Variants in BAZ2B observed in about 807,000 individuals in gnomAD.
The protein encoded by BAZ2B is bromodomain adjacent to zinc finger domain 2B.
A neutral mutation model predicts 246.0 loss-of-function variants in BAZ2B; 91 were observed. The ratio of observed to expected loss-of-function variants is 0.37; its 90% CI spans 0.31 to 0.44. The LOEUF (loss-of-function observed/expected upper bound fraction) is 0.44, where lower values mean the gene tolerates loss of function less well. Ranked by LOEUF, BAZ2B falls within the 20% of genes least tolerant of loss-of-function variation. The pLI is 1.00. For synonymous variants in BAZ2B, 855 were observed against 860.0 expected (o/e 0.99, Z 0.10); for missense variants, 2,332 against 2,533.7 (o/e 0.92, Z 1.71).
At chr2:159,386,223 AGTTAACTTT>A in intron 22 of BAZ2B, 121 bp downstream of exon 22, 3 of 1,041,282 alleles carry the variant, frequency 2.9e-6, no homozygotes. Context: ...ACAAATCTAC[AGTTAACTTT>A]GTGAGACATT....
At chr2:159,512,124 CAT>C (rs1039126941) in intron 2 of BAZ2B, among the ~76,000 whole-genome samples, 5 of 152,040 alleles carry the variant, frequency 3.3e-5, no homozygotes, top group African/African-American at 1.2e-4. Context: ...CATTCAGACT[CAT>C]ATCCTATTTT....
chr2:159,523,088 G>A (rs909872192), intron 2 of BAZ2B, among the ~76,000 whole-genome samples: 5 of 152,026 alleles, frequency 3.3e-5, no homozygotes, highest in South Asian at 2.1e-4. Flanking sequence ...GCAACACAAC[G>A]AGACCCCATC....
chr2:159,402,219 G>A (rs531004250), intron 16 of BAZ2B, among the ~76,000 whole-genome samples: 15 of 152,072 alleles, frequency 9.9e-5, no homozygotes, highest in Admixed American at 3.3e-4. Flanking sequence ...AGGCCGAGGC[G>A]GGCAGATCAC....
intron 3 of BAZ2B, chr2:159,464,374 C>A (rs2076783124): frequency 1.3e-5 from 2 of 152,012 alleles, no homozygotes; most frequent in African/African-American, 4.8e-5. Flanking sequence ...TGTAAAATGT[C>A]CCTCTGGTTG....
intron 34 of BAZ2B, among the ~76,000 whole-genome samples, chr2:159,327,259 C>G (rs2063847756): frequency 6.6e-6 from 1 of 152,226 alleles, no homozygotes; most frequent in East Asian, 1.9e-4. Flanking sequence ...AAAAACAGTC[C>G]TTTGGAGTAT....
chr2:159,692,453 T>C, the BAZ2B span, among the ~76,000 whole-genome samples: 2 of 152,160 alleles, frequency 1.3e-5, no homozygotes, highest in African/African-American at 4.8e-5. Flanking sequence ...CCACCGTGCC[T>C]GGCTTCTTAA....
chr2:159,521,966 A>G (rs2084184293), intron 2 of BAZ2B, among the ~76,000 whole-genome samples: 2 of 152,082 alleles, frequency 1.3e-5, no homozygotes, highest in African/African-American at 2.4e-5. Flanking sequence ...TTGTAATAAT[A>G]TAATTTCCTC....
chr2:159,627,721 G>A, the BAZ2B span, among the ~76,000 whole-genome samples: 5 of 152,140 alleles, frequency 3.3e-5, no homozygotes, highest in South Asian at 2.1e-4. Context: ...CATACTAAAC[G>A]GGCAAAATTT....
chr2:159,341,732 A>G (rs2066768270), intron 31 of BAZ2B, among the ~76,000 whole-genome samples: 1 of 152,222 alleles, frequency 6.6e-6, no homozygotes, highest in Non-Finnish European at 1.5e-5. Context: ...AAACCATACA[A>G]ATACATGAAA....
chr2:159,672,545 A>G, the BAZ2B span, among the ~76,000 whole-genome samples: 1 of 152,226 alleles, frequency 6.6e-6, no homozygotes, highest in Non-Finnish European at 1.5e-5. Context: ...ATCCTCATGG[A>G]AATACAGTTG....
intron 2 of BAZ2B, among the ~76,000 whole-genome samples, chr2:159,522,059 T>TTAAAA (rs1448174671): frequency 4.5e-4 from 68 of 152,166 alleles, no homozygotes; most frequent in African/African-American, 1.6e-3. Context: ...TCTCAAGTTT[T>TTAAAA]TAAAATAATA....
At position 159,570,634 on chromosome 2, in the gene BAZ2B, G is replaced by T. The variant is rs1286362572; in HGVS notation, c.-45-14769C>A. Among the ~76,000 whole-genome samples, 4 of 137,360 alleles carry T rather than the reference G, an allele frequency of 2.9e-5. No individual in the cohort carries two copies. In the South Asian group the frequency reaches 9.8e-4, roughly 34 times the overall value. 90.1% of individuals were successfully genotyped at this position (137,360 alleles called of 152,430 possible). ...ACCCTTTCCTGTCATTTATATCCCA[G>T]CACATTTTTCACCCTTTCTCTGTCT... On this transcript the variant is annotated intron_variant, in intron 1 of 36. Coordinates refer to ENST00000392783, the MANE Select transcript of BAZ2B (RefSeq NM_013450.4).
intron 1 of BAZ2B, among the ~76,000 whole-genome samples, chr2:159,600,831 G>A (rs1184543772): frequency 6.6e-6 from 1 of 152,294 alleles, no homozygotes; most frequent in Non-Finnish European, 1.5e-5. Flanking sequence ...GAAAATAATC[G>A]AGCTACTTTT....
intron 13 of BAZ2B, among the ~76,000 whole-genome samples, chr2:159,414,576 G>T (rs1353316032): frequency 6.6e-6 from 1 of 152,106 alleles, no homozygotes; most frequent in African/African-American, 2.4e-5. Context: ...CAGCATGTTG[G>T]GAGGCTGAGG....
At chr2:159,384,015 C>T (rs2062320365) in intron 23 of BAZ2B, among the ~76,000 whole-genome samples, 1 of 151,800 alleles carries the variant, frequency 6.6e-6, no homozygotes, top group Non-Finnish European at 1.5e-5. Context: ...TGATAATTTC[C>T]AAAATCAAAG....
chr2:159,566,152 C>T (rs1030134725), intron 1 of BAZ2B, among the ~76,000 whole-genome samples: 4 of 152,148 alleles, frequency 2.6e-5, no homozygotes, highest in African/African-American at 9.7e-5. Flanking sequence ...GTTGAGATTA[C>T]AGGCATGCAC....
the BAZ2B span, among the ~76,000 whole-genome samples, chr2:159,691,828 G>A: frequency 6.6e-6 from 1 of 152,312 alleles, no homozygotes; most frequent in East Asian, 1.9e-4. Flanking sequence ...TGCTCATCTG[G>A]AGATGATAAG....
chr2:159,396,636 T>A (rs2149684921), intron 19 of BAZ2B: 1 of 152,324 alleles, frequency 6.6e-6, no homozygotes, highest in African/African-American at 2.4e-5. Flanking sequence ...GCATATTTGG[T>A]TTCTCCAAAG....
intron 3 of BAZ2B, among the ~76,000 whole-genome samples, chr2:159,455,065 A>T (rs1321786224): frequency 6.6e-6 from 1 of 152,156 alleles, no homozygotes; most frequent in Non-Finnish European, 1.5e-5. Context: ...TTACTGTGTG[A>T]ACAGTATTGT....
Sources: gnomAD v4.1 joint callset for allele counts (sites outside exome capture counted in the v4.1 genomes callset) on GRCh38, gnomAD v4.1.1 for gene constraint, MANE v1.5 for transcripts, NCBI Gene and HGNC (gene_info 2026-07-23, HGNC 2026-07-21) for gene names.